ATF7IP2: variants seen among roughly 807,000 people sequenced by gnomAD.
ATF7IP2 encodes the protein activating transcription factor 7-interacting protein 2.
Under a neutral mutation model 64.2 loss-of-function variants are expected in ATF7IP2, and 42 were observed. The ratio of observed to expected loss-of-function variants is 0.65; its 90% confidence interval spans 0.51 to 0.85. The LOEUF is 0.85. Ranked by LOEUF, ATF7IP2 falls within the 40% of genes least tolerant of loss-of-function variation. The pLI, the probability that ATF7IP2 is intolerant of heterozygous loss-of-function variation, is 0.00. For missense variants in ATF7IP2, 933 were observed against 784.2 expected, an observed-to-expected ratio of 1.19 and a Z score of -2.27; for synonymous variants, 308 against 272.8, an observed-to-expected ratio of 1.13 and a Z score of -1.27.
intron 9 of ATF7IP2, among the ~76,000 whole-genome samples, chr16:10,459,692 C>T (rs1034789302): frequency 5.9e-5 from 9 of 152,022 alleles, no homozygotes; most frequent in Admixed American, 6.6e-5. Flanking sequence ...GGAGAAAAAC[C>T]ATTATCAACT....
chr16:10,403,653 T>A (rs1274838936), intron 1 of ATF7IP2, among the ~76,000 whole-genome samples: 2 of 152,162 alleles, frequency 1.3e-5, no homozygotes, highest in African/African-American at 4.8e-5. Context: ...GCTCAAAATG[T>A]TTTTAAAGAA....
chr16:10,448,032 C>G (rs1258151762), intron 8 of ATF7IP2: 1 of 152,206 alleles, frequency 6.6e-6, no homozygotes, highest in Non-Finnish European at 1.5e-5. Context: ...ATAGGGAATC[C>G]TTTCCCCATT....
At chr16:10,449,936 T>C (rs2048932188) in intron 8 of ATF7IP2, among the ~76,000 whole-genome samples, 1 of 152,218 alleles carries the variant, frequency 6.6e-6, no homozygotes, top group African/African-American at 2.4e-5. Context: ...ATTTTAGATC[T>C]TTCCCGCTTG....
At chr16:10,455,607 A>G (rs1184466074) in intron 8 of ATF7IP2, among the ~76,000 whole-genome samples, 1 of 152,224 alleles carries the variant, frequency 6.6e-6, no homozygotes, top group Non-Finnish European at 1.5e-5. Context: ...GAGTAGGGTA[A>G]TGCATAGAGA....
At chr16:10,420,147 G>T (rs1398365230) in intron 3 of ATF7IP2, among the ~76,000 whole-genome samples, 1 of 152,148 alleles carries the variant, frequency 6.6e-6, no homozygotes, top group Non-Finnish European at 1.5e-5. Context: ...TCCATACAGA[G>T]AAAAATGTAG....
At chr16:10,423,579 CT>C (rs1011381324) in intron 3 of ATF7IP2, among the ~76,000 whole-genome samples, 6 of 152,162 alleles carry the variant, frequency 3.9e-5, no homozygotes, top group Non-Finnish European at 8.8e-5. Flanking sequence ...GGGGCATCTA[CT>C]TTTCACCCAC....
At chr16:10,456,895 TATTTAC>T (rs1008500779) in intron 8 of ATF7IP2, among the ~76,000 whole-genome samples, 2 of 152,180 alleles carry the variant, frequency 1.3e-5, no homozygotes, top group Non-Finnish European at 2.9e-5. Flanking sequence ...TGTACATATA[TATTTAC>T]ATATATATAA....
At position 10,472,162 on chromosome 16, in the gene ATF7IP2, CCAATTA is replaced by C. The variant is rs756604565; in HGVS notation, c.1408_1413del (p.Ile470_Thr471del). 3.8e-6 allele frequency: 6 copies of C among 1,564,468 alleles called. No individual in the cohort carries two copies. The highest frequency in any genetic ancestry group is 3.5e-6 in the Non-Finnish European group (4 of 1,144,318). ...TGTGGAAAGTCCTAATTTGACAACT[CCAATTA>C]CATCAAATCCAACAGGTATCTTATA... On this transcript the variant is annotated inframe_deletion, in exon 10 of 14. Transcript: ENST00000562102.
intron 8 of ATF7IP2, among the ~76,000 whole-genome samples, chr16:10,444,127 G>A (rs762988299): frequency 6.0e-4 from 92 of 152,180 alleles, no homozygotes; most frequent in Admixed American, 4.0e-3. Context: ...GGCATAACAA[G>A]ACAAGCATCA....
intron 8 of ATF7IP2, chr16:10,447,138 G>C (rs929330527): frequency 5.3e-5 from 8 of 152,266 alleles, no homozygotes; most frequent in Non-Finnish European, 7.3e-5. Context: ...CACAGCAGTA[G>C]TGCTTGTTAC....
At chr16:10,458,588 C>A (rs1368665889) in intron 9 of ATF7IP2, among the ~76,000 whole-genome samples, 1 of 152,150 alleles carries the variant, frequency 6.6e-6, no homozygotes, top group Non-Finnish European at 1.5e-5. Context: ...AAATGTGTAA[C>A]TTGATTCTGA....
At position 10,463,276 on chromosome 16, in the gene ATF7IP2, CAG is replaced by C. The variant is rs2049435817; in HGVS notation, c.1352+5753_1352+5754del. 3.9e-5 allele frequency among the ~76,000 whole-genome samples: 6 copies of C among 152,316 alleles called. No homozygotes were observed. In the South Asian group the frequency reaches 1.2e-3, roughly 32 times the overall value. ...ATTCACTCTGTACTCTGGAAAGCAGCAGAGAGACACAGCACCTGTGATGGATT... is the reference window on the plus strand; with the variant it reads ...ATTCACTCTGTACTCTGGAAAGCAGCAGAGACACAGCACCTGTGATGGATT... On this transcript the variant is annotated intron_variant, in intron 9 of 13. Transcript: ENST00000562102.
intron 3 of ATF7IP2, among the ~76,000 whole-genome samples, chr16:10,422,283 C>T (rs915983674): frequency 9.9e-5 from 15 of 152,274 alleles, no homozygotes; most frequent in African/African-American, 3.6e-4. Flanking sequence ...AAAATGATAT[C>T]CTAAACCTTG....
intron 8 of ATF7IP2, among the ~76,000 whole-genome samples, chr16:10,451,188 T>C (rs1036019485): frequency 1.3e-5 from 2 of 152,340 alleles, no homozygotes; most frequent in Admixed American, 1.3e-4. Flanking sequence ...AGAGCTGCTG[T>C]TAGTCTGATG....
intron 1 of ATF7IP2, among the ~76,000 whole-genome samples, chr16:10,401,020 G>A (rs755553268): frequency 3.9e-5 from 6 of 151,976 alleles, no homozygotes; most frequent in Non-Finnish European, 7.4e-5. Flanking sequence ...TTACCATAAT[G>A]CTAAATTTTA....
At chr16:10,462,584 T>A (rs1199212230) in intron 9 of ATF7IP2, among the ~76,000 whole-genome samples, 1 of 152,156 alleles carries the variant, frequency 6.6e-6, no homozygotes, top group Non-Finnish European at 1.5e-5. Flanking sequence ...TTTTGCTTTT[T>A]CAAAGATAAG....
chr16:10,401,336 T>G (rs565968984), intron 1 of ATF7IP2, among the ~76,000 whole-genome samples: 1 of 151,882 alleles, frequency 6.6e-6, no homozygotes, highest in Non-Finnish European at 1.5e-5. Flanking sequence ...CCTGGCTCAT[T>G]TTTTTGTATT....
At chr16:10,479,836 A>G (rs1441681909) in intron 12 of ATF7IP2, among the ~76,000 whole-genome samples, 1 of 152,112 alleles carries the variant, frequency 6.6e-6, no homozygotes, top group Non-Finnish European at 1.5e-5. Context: ...TCAGAAAACA[A>G]CAGATGCTGG....
chr16:10,404,501 C>T (rs936254653), intron 1 of ATF7IP2, among the ~76,000 whole-genome samples: 2 of 152,166 alleles, frequency 1.3e-5, no homozygotes, highest in African/African-American at 4.8e-5. Flanking sequence ...CCCACCTTGG[C>T]CTCCCAAAGT....
Sources: gnomAD v4.1 joint callset for allele counts (sites outside exome capture counted in the v4.1 genomes callset) on GRCh38, gnomAD v4.1.1 for gene constraint, MANE v1.5 for transcripts, NCBI Gene and HGNC (gene_info 2026-07-23, HGNC 2026-07-21) for gene names.